The following ERC2 variants were observed in gnomAD, a reference collection of about 807,000 sequenced individuals.
ERC2 encodes ELKS/RAB6-interacting/CAST family member 2.
A neutral mutation model predicts 114.8 loss-of-function variants in ERC2; 42 were observed. That is an observed-to-expected ratio of 0.37 (90% confidence interval 0.29 to 0.47). The LOEUF is 0.47. Among genes scored for constraint, ERC2 ranks in the 20% least tolerant of loss-of-function variants. The probability of loss-of-function intolerance (pLI) is 0.99; values close to 1 mark genes in which losing one functional copy is unlikely to be tolerated. For missense variants in ERC2, 939 were observed against 1,150.7 expected, an observed-to-expected ratio of 0.82 and a Z score of 2.66; for synonymous variants, 454 against 425.5, an observed-to-expected ratio of 1.07 and a Z score of -0.82.
chr3:56,039,234 G>GA (rs2074990228), intron 7 of ERC2, among the ~76,000 whole-genome samples: 1 of 151,510 alleles, frequency 6.6e-6, no homozygotes, highest in Non-Finnish European at 1.5e-5. Flanking sequence ...AAATTAAACA[G>GA]AAAAAAAGGA....
At position 55,679,067 on chromosome 3, in the gene ERC2, A is replaced by G. The variant is rs1181721420; in HGVS notation, c.*39+4727T>C. Among the ~76,000 whole-genome samples the G allele has an allele frequency of 3.3e-5, 5 of 152,120 alleles. No homozygotes were observed. In the East Asian group the frequency reaches 9.6e-4, roughly 29 times the overall value. ...GTTGTTCTACAACATAAATCAAATCATGTCATGTCCCTGCTTAAACTCCTC... is the reference window on the plus strand; with the variant it reads ...GTTGTTCTACAACATAAATCAAATCGTGTCATGTCCCTGCTTAAACTCCTC... On this transcript the variant is annotated intron_variant, in intron 17 of 17. Coordinates refer to ENST00000288221, the MANE Select transcript of ERC2 (RefSeq NM_015576.3).
At chr3:55,577,094 C>T (rs545849492) in intron 17 of ERC2, among the ~76,000 whole-genome samples, 6 of 152,344 alleles carry the variant, frequency 3.9e-5, no homozygotes, top group Admixed American at 6.5e-5. Flanking sequence ...CCTCTCCACC[C>T]GATCACCTTT....
At chr3:56,026,621 T>C (rs1336785039) in intron 7 of ERC2, among the ~76,000 whole-genome samples, 2 of 152,180 alleles carry the variant, frequency 1.3e-5, no homozygotes, top group Non-Finnish European at 2.9e-5. Context: ...CTTTTTGACA[T>C]TTTATTTTGA....
intron 3 of ERC2, among the ~76,000 whole-genome samples, chr3:56,220,928 G>A (rs2049860922): frequency 2.0e-5 from 3 of 152,090 alleles, no homozygotes; most frequent in Admixed American, 6.6e-5. Flanking sequence ...AAAGATGAAT[G>A]TGTATTATAT....
Position 56,160,790 on chromosome 3 carries a change from A to G in ERC2, c.1150-11658T>C, listed in dbSNP as rs2082001564. Among the ~76,000 whole-genome samples the G allele has an allele frequency of 2.6e-5, 4 of 152,216 alleles. No homozygotes were observed. The South Asian group carries it at 8.3e-4, about 32-fold the overall frequency. ...TTTTTCAAAGATCAGATGGCAATAG[A>G]TGTGTGTATTTATTTCTGGGTTCTC... On this transcript the variant is annotated intron_variant, in intron 4 of 17. Transcript: ENST00000288221.
chr3:56,087,959 G>A (rs550000980), intron 6 of ERC2, among the ~76,000 whole-genome samples: 64 of 152,176 alleles, frequency 4.2e-4, no homozygotes, highest in Admixed American at 3.2e-3. Flanking sequence ...TGGTAGTAAC[G>A]ACTAGTTCTC....
intron 14 of ERC2, among the ~76,000 whole-genome samples, chr3:55,859,736 C>T (rs1218794211): frequency 7.4e-6 from 1 of 134,412 alleles, no homozygotes; most frequent in Admixed American, 7.9e-5. Flanking sequence ...GTGTTTGACA[C>T]CCTTGTTTGG....
At chr3:56,217,502 T>C (rs978554850) in intron 3 of ERC2, among the ~76,000 whole-genome samples, 11 of 152,162 alleles carry the variant, frequency 7.2e-5, no homozygotes, top group Non-Finnish European at 1.2e-4. Context: ...TACAAACAAA[T>C]GGAAGAATAT....
chr3:55,522,352 G>A (rs1395100141), intron 17 of ERC2, among the ~76,000 whole-genome samples: 3 of 152,108 alleles, frequency 2.0e-5, no homozygotes, highest in Non-Finnish European at 4.4e-5. Flanking sequence ...ATGCTACCTC[G>A]TTTTGGTCTG....
chr3:55,545,556 T>C (rs775244834), intron 17 of ERC2, among the ~76,000 whole-genome samples: 6 of 152,234 alleles, frequency 3.9e-5, no homozygotes, highest in South Asian at 2.1e-4. Context: ...GAGGAACAAT[T>C]TATCCTTTCA....
intron 14 of ERC2, among the ~76,000 whole-genome samples, chr3:55,784,113 T>C (rs1473234306): frequency 6.6e-6 from 1 of 152,192 alleles, no homozygotes; most frequent in East Asian, 1.9e-4. Context: ...TAGGAATAAT[T>C]TCTCACAGTT....
intron 17 of ERC2, among the ~76,000 whole-genome samples, chr3:55,561,250 T>C (rs1429106525): frequency 6.6e-6 from 1 of 152,204 alleles, no homozygotes; most frequent in Admixed American, 6.5e-5. Context: ...ACAAGCTATA[T>C]GACCTTTGGC....
At chr3:56,437,019 C>T (rs113916891) in intron 1 of ERC2, among the ~76,000 whole-genome samples, 2,509 of 152,286 alleles carry the variant, frequency 0.016, 30 homozygotes, top group Middle Eastern at 0.027. Flanking sequence ...AGGTCTCAAT[C>T]CTTTACTCCT....
intron 17 of ERC2, among the ~76,000 whole-genome samples, chr3:55,585,312 TA>T (rs1424183761): frequency 3.9e-5 from 6 of 152,316 alleles, no homozygotes; most frequent in African/African-American, 1.4e-4. Flanking sequence ...TCTCCTGTTT[TA>T]GGGCTCAGGG....
chr3:56,226,689 C>G (rs4974185), intron 3 of ERC2, among the ~76,000 whole-genome samples: 1 of 151,856 alleles, frequency 6.6e-6, no homozygotes, highest in Admixed American at 6.6e-5. Context: ...TCCCAGGCTA[C>G]ACTCTCAACT....
intron 3 of ERC2, among the ~76,000 whole-genome samples, chr3:56,185,465 G>A (rs912709911): frequency 3.9e-5 from 6 of 152,176 alleles, no homozygotes; most frequent in Non-Finnish European, 8.8e-5. Flanking sequence ...TGTGTCCCCA[G>A]GAGTGGTATT....
At chr3:56,459,989 G>A (rs1419306540) in intron 1 of ERC2, among the ~76,000 whole-genome samples, 1 of 152,178 alleles carries the variant, frequency 6.6e-6, no homozygotes, top group Admixed American at 6.5e-5. Context: ...ATGCCCAAGA[G>A]GTTAAGAGCA....
At chr3:55,786,069 A>T (rs2069460838) in intron 14 of ERC2, among the ~76,000 whole-genome samples, 1 of 152,102 alleles carries the variant, frequency 6.6e-6, no homozygotes, top group African/African-American at 2.4e-5. Flanking sequence ...TTTTTTTTCA[A>T]TTCGTCATTT....
chr3:56,108,647 C>T (rs1339137830), intron 6 of ERC2, among the ~76,000 whole-genome samples: 1 of 151,948 alleles, frequency 6.6e-6, no homozygotes, highest in African/African-American at 2.4e-5. Flanking sequence ...ATCAATTCTC[C>T]CTAAGTTAAT....
Sources: gnomAD v4.1 joint callset for allele counts (sites outside exome capture counted in the v4.1 genomes callset) on GRCh38, gnomAD v4.1.1 for gene constraint, MANE v1.5 for transcripts, NCBI Gene and HGNC (gene_info 2026-07-23, HGNC 2026-07-21) for gene names.